The following ANKS1B variants were observed in gnomAD, a reference collection of about 807,000 sequenced individuals.
The protein encoded by ANKS1B is ankyrin repeat and sterile alpha motif domain containing 1B, also known as ankyrin repeat and sterile alpha motif domain-containing protein 1B.
In ANKS1B, 36 loss-of-function variants were observed where a neutral mutation model predicts 148.3. That is an observed-to-expected ratio of 0.24 (90% CI 0.19 to 0.32). The LOEUF is 0.32. Among genes scored for constraint, ANKS1B ranks in the 10% least tolerant of loss-of-function variants. The probability of loss-of-function intolerance (pLI) is 1.00; values close to 1 mark genes in which losing one functional copy is unlikely to be tolerated. For missense variants in ANKS1B, 1,157 were observed against 1,542.6 expected, an observed-to-expected ratio of 0.75 and a Z score of 4.19; for synonymous variants, 542 against 560.8, an observed-to-expected ratio of 0.97 and a Z score of 0.47.
chr12:99,103,478 A>T (rs895040866), intron 15 of ANKS1B, among the ~76,000 whole-genome samples: 1 of 152,190 alleles, frequency 6.6e-6, no homozygotes, highest in South Asian at 2.1e-4. Flanking sequence ...TCAAGGTCCA[A>T]CTCAATTGAT....
intron 12 of ANKS1B, among the ~76,000 whole-genome samples, chr12:99,391,815 T>C (rs1370595095): frequency 6.6e-6 from 1 of 152,142 alleles, no homozygotes; most frequent in Non-Finnish European, 1.5e-5. Context: ...AGGCACTGGG[T>C]GAAAGTCATC....
chr12:98,770,062 A>G (rs555471381), intron 25 of ANKS1B, among the ~76,000 whole-genome samples: 84 of 152,360 alleles, frequency 5.5e-4, no homozygotes, highest in African/African-American at 1.9e-3. Context: ...AACTGACGTC[A>G]GCAGGCAGGG....
intron 8 of ANKS1B, among the ~76,000 whole-genome samples, chr12:99,694,722 A>G (rs1182300221): frequency 6.6e-6 from 1 of 152,224 alleles, no homozygotes; most frequent in Non-Finnish European, 1.5e-5. Context: ...CAACAAACAC[A>G]TACCAAAAAT....
chr12:99,174,833 G>A (rs1417060492), intron 14 of ANKS1B, among the ~76,000 whole-genome samples: 2 of 152,040 alleles, frequency 1.3e-5, no homozygotes, highest in East Asian at 1.9e-4. Flanking sequence ...AAAACAATTT[G>A]AGTTATGAAC....
At chr12:99,121,845 G>A (rs1362047038) in intron 15 of ANKS1B, among the ~76,000 whole-genome samples, 2 of 152,158 alleles carry the variant, frequency 1.3e-5, no homozygotes, top group African/African-American at 4.8e-5. Flanking sequence ...TTTGTGGTTT[G>A]CTTATTGAAA....
intron 7 of ANKS1B, 51 bp downstream of exon 7, chr12:99,775,497 T>C (rs1380178830): frequency 7.9e-7 from 1 of 1,264,662 alleles, no homozygotes; most frequent in East Asian, 2.3e-5. Flanking sequence ...TTTTCACAAC[T>C]GTACATACAA....
At chr12:99,806,830 C>G in intron 3 of ANKS1B, 130 bp from the exon 4 acceptor site, 2 of 921,184 alleles carry the variant, frequency 2.2e-6, no homozygotes, top group Non-Finnish European at 3.1e-6. Context: ...ACAAGTATGC[C>G]TAATGGAATT....
chr12:99,177,157 C>A (rs990467465), intron 14 of ANKS1B, among the ~76,000 whole-genome samples: 5 of 152,178 alleles, frequency 3.3e-5, no homozygotes, highest in Non-Finnish European at 7.3e-5. Context: ...CAAGTCTTGG[C>A]AACAGCATAT....
chr12:99,928,568 G>A (rs535384502), intron 1 of ANKS1B, among the ~76,000 whole-genome samples: 1 of 152,048 alleles, frequency 6.6e-6, no homozygotes, highest in East Asian at 1.9e-4. Flanking sequence ...GTGAGCCACC[G>A]CGCCTGGCCT....
intron 10 of ANKS1B, among the ~76,000 whole-genome samples, chr12:99,472,283 G>A (rs1052578130): frequency 5.9e-5 from 9 of 151,928 alleles, no homozygotes; most frequent in Admixed American, 2.0e-4. Flanking sequence ...TCTCTGGCTC[G>A]GTCAGTCAGT....
chr12:98,807,435 T>C (rs1226053360), intron 20 of ANKS1B, among the ~76,000 whole-genome samples: 1 of 152,080 alleles, frequency 6.6e-6, no homozygotes, highest in East Asian at 1.9e-4. Context: ...TTGAGAATCA[T>C]TAGACACAAA....
intron 14 of ANKS1B, among the ~76,000 whole-genome samples, chr12:99,183,769 T>C (rs757034379): frequency 6.6e-6 from 1 of 152,188 alleles, no homozygotes; most frequent in Non-Finnish European, 1.5e-5. Flanking sequence ...ATTTTCCTCA[T>C]GAATCTCCAA....
chr12:98,848,800 G>A (rs1223351852), intron 17 of ANKS1B, among the ~76,000 whole-genome samples: 1 of 140,894 alleles, frequency 7.1e-6, no homozygotes, highest in Admixed American at 7.2e-5. Context: ...GTGCAATGGC[G>A]TGATCTTGGC....
rs200670966 is a variant in ANKS1B, at chr12:99,293,638, AT to A, written c.1757-46775del. 3.5e-3 allele frequency among the ~76,000 whole-genome samples: 536 copies of A among 152,332 alleles called. 19 individuals are homozygous for A. In the East Asian group the frequency reaches 0.066, roughly 19 times the overall value. On this transcript the variant is annotated intron_variant, in intron 12 of 26. Coordinates refer to ENST00000683438, the MANE Select transcript of ANKS1B (RefSeq NM_001352186.2). ...GTAAAAGTTTCTTGAGTAATATCCCATGTGCACAGGCAAGCAAAGTGAAAAT... is the reference window on the plus strand; with the variant it reads ...GTAAAAGTTTCTTGAGTAATATCCCAGTGCACAGGCAAGCAAAGTGAAAAT...
chr12:98,906,131 A>G (rs2099778712), intron 17 of ANKS1B, among the ~76,000 whole-genome samples: 1 of 152,196 alleles, frequency 6.6e-6, no homozygotes, highest in Admixed American at 6.5e-5. Flanking sequence ...GAGGGTGAGA[A>G]TGTTCTAATT....
chr12:98,805,305 G>GT (rs2099041743), intron 20 of ANKS1B, among the ~76,000 whole-genome samples: 2 of 17,214 alleles, frequency 1.2e-4, no homozygotes, highest in African/African-American at 1.8e-4. Flanking sequence ...TATGCTTAAG[G>GT]CCTTTTTTTT....
At chr12:99,768,675 A>C (rs1420567819) in intron 8 of ANKS1B, among the ~76,000 whole-genome samples, 2 of 151,840 alleles carry the variant, frequency 1.3e-5, no homozygotes, top group Admixed American at 1.3e-4. Flanking sequence ...AAATACAAAA[A>C]ATTAGCCAGG....
intron 9 of ANKS1B, among the ~76,000 whole-genome samples, chr12:99,595,918 C>G (rs569456578): frequency 1.3e-5 from 2 of 151,794 alleles, no homozygotes; most frequent in African/African-American, 2.4e-5. Context: ...AAAATCAACA[C>G]AGTTTGGTTC....
intron 17 of ANKS1B, among the ~76,000 whole-genome samples, chr12:98,841,078 A>AT (rs1595193222): frequency 2.0e-5 from 3 of 152,244 alleles, no homozygotes; most frequent in South Asian, 4.2e-4. Flanking sequence ...GTTTTGCTAT[A>AT]TTTTGCTAAC....
Sources: gnomAD v4.1 joint callset for allele counts (sites outside exome capture counted in the v4.1 genomes callset) on GRCh38, gnomAD v4.1.1 for gene constraint, MANE v1.5 for transcripts, NCBI Gene and HGNC (gene_info 2026-07-23, HGNC 2026-07-21) for gene names.